MPPED2: variants seen among roughly 807,000 people sequenced by gnomAD.
The protein encoded by MPPED2 is metallophosphoesterase MPPED2.
In MPPED2, 5 loss-of-function variants were observed where a neutral mutation model predicts 33.0. The observed-to-expected ratio is 0.15, with a 90% CI of 0.08 to 0.32. The LOEUF (loss-of-function observed/expected upper bound fraction) is 0.32, where lower values mean the gene tolerates loss of function less well. MPPED2 is among the 10% of genes least tolerant of loss of function. The pLI is 1.00. For synonymous variants in MPPED2, 136 were observed against 141.9 expected (o/e 0.96, Z 0.29); for missense variants, 275 against 372.1 (o/e 0.74, Z 2.15).
intron 2 of MPPED2, among the ~76,000 whole-genome samples, chr11:30,559,581 G>C (rs553892785): frequency 1.3e-5 from 2 of 152,126 alleles, no homozygotes; most frequent in South Asian, 4.2e-4. Flanking sequence ...GTTTTTCCTA[G>C]ATACATTCTT....
At chr11:30,438,733 A>C in intron 4 of MPPED2, among the ~76,000 whole-genome samples, 1 of 152,236 alleles carries the variant, frequency 6.6e-6, no homozygotes, top group East Asian at 1.9e-4. Context: ...TTTGAGATCA[A>C]TGAAGATAAT....
chr11:30,538,431 T>C (rs1051787399), intron 2 of MPPED2, among the ~76,000 whole-genome samples: 4 of 152,186 alleles, frequency 2.6e-5, no homozygotes, highest in Admixed American at 1.3e-4. Context: ...ATCTACCCAC[T>C]TTAAAGTAGC....
In MPPED2 at chr11:30,450,391, G is replaced by A. The variant is rs1010970380; in HGVS notation, c.537-32758C>T. Among the ~76,000 whole-genome samples, 4 of 152,142 alleles carry A rather than the reference G, an allele frequency of 2.6e-5. No homozygotes were observed. In the East Asian group the frequency reaches 7.7e-4, roughly 29 times the overall value. On this transcript the variant is annotated intron_variant, in intron 4 of 6. Transcript: ENST00000358117. The stretch of plus-strand genomic sequence containing the variant: ...GTGTATAAGTTATTCCTTTATTTCA[G>A]GTGTGACACAGAGTAATTTGTATAT...
chr11:30,486,970 A>G (rs1448133187), intron 4 of MPPED2, among the ~76,000 whole-genome samples: 2 of 152,196 alleles, frequency 1.3e-5, no homozygotes, highest in African/African-American at 4.8e-5. Context: ...TTCACCAGCC[A>G]GAGACATATC....
chr11:30,403,403 G>A (rs534893863), intron 6 of MPPED2, among the ~76,000 whole-genome samples: 115 of 152,258 alleles, frequency 7.6e-4, no homozygotes, highest in African/African-American at 2.6e-3. Flanking sequence ...TACATTCACC[G>A]AAAATACTTT....
intron 5 of MPPED2, among the ~76,000 whole-genome samples, chr11:30,416,440 T>G (rs991877132): frequency 3.9e-5 from 6 of 152,226 alleles, no homozygotes; most frequent in Non-Finnish European, 7.3e-5. Flanking sequence ...AAATGAATGT[T>G]ATTTTTTTTT....
chr11:30,553,208 A>G (rs953235106), intron 2 of MPPED2, among the ~76,000 whole-genome samples: 5 of 152,148 alleles, frequency 3.3e-5, no homozygotes, highest in Non-Finnish European at 7.4e-5. Context: ...CTGCACCATA[A>G]AACACACTTT....
intron 3 of MPPED2, among the ~76,000 whole-genome samples, chr11:30,529,424 C>T (rs144986689): frequency 6.6e-6 from 1 of 152,224 alleles, no homozygotes; most frequent in East Asian, 1.9e-4. Context: ...ATTTTAACCA[C>T]ATTCAGTGAT....
chr11:30,514,083 G>A (rs2134326506), intron 3 of MPPED2, among the ~76,000 whole-genome samples: 1 of 152,258 alleles, frequency 6.6e-6, no homozygotes, highest in East Asian at 1.9e-4. Flanking sequence ...TTCCTCAATA[G>A]CACAGCCCCC....
At chr11:30,455,933 T>A (rs1590343203) in intron 4 of MPPED2, among the ~76,000 whole-genome samples, 1 of 152,258 alleles carries the variant, frequency 6.6e-6, no homozygotes, top group South Asian at 2.1e-4. Flanking sequence ...ACTCTGTTTC[T>A]CCACTCTAAC....
intron 3 of MPPED2, among the ~76,000 whole-genome samples, chr11:30,521,940 A>C (rs572901198): frequency 6.6e-6 from 1 of 152,312 alleles, no homozygotes; most frequent in African/African-American, 2.4e-5. Flanking sequence ...GGGCTGAATG[A>C]GATAAATGTG....
At chr11:30,541,218 T>G (rs1055671964) in intron 2 of MPPED2, among the ~76,000 whole-genome samples, 3 of 152,230 alleles carry the variant, frequency 2.0e-5, no homozygotes, top group Admixed American at 6.5e-5. Context: ...CACTGCATAT[T>G]CAAACAAATA....
At chr11:30,503,846 C>T (rs916763968) in intron 3 of MPPED2, among the ~76,000 whole-genome samples, 2 of 151,952 alleles carry the variant, frequency 1.3e-5, no homozygotes, top group African/African-American at 4.8e-5. Context: ...ACAGAGATGA[C>T]AGGACAGAAG....
chr11:30,492,440 T>C (rs1952025910), intron 4 of MPPED2, among the ~76,000 whole-genome samples: 1 of 152,088 alleles, frequency 6.6e-6, no homozygotes, highest in South Asian at 2.1e-4. Flanking sequence ...AAGGATTTTT[T>C]CAAAAGTAAT....
chr11:30,393,073 T>C (rs1947799764), intron 6 of MPPED2, among the ~76,000 whole-genome samples: 2 of 152,114 alleles, frequency 1.3e-5, no homozygotes. Context: ...AACCTTCAAT[T>C]TGTGCCCAAT....
At position 30,410,674 on chromosome 11, in the gene MPPED2, T is replaced by A; in HGVS notation, c.*794A>T. 1 of 985,148 alleles carries A rather than the reference T, an allele frequency of 1.0e-6. No homozygotes were observed. Among genetic ancestry groups the A allele is most frequent in the Non-Finnish European group, 1.2e-6 (1 of 829,272 alleles). 61.0% of individuals were successfully genotyped at this position (985,148 alleles called of 1,614,324 possible). A position where few individuals can be genotyped will look rare whatever the true frequency, so the allele number is the denominator to read the frequency against. On this transcript the variant is annotated 3_prime_UTR_variant, in exon 7 of 7. Coordinates refer to ENST00000358117, the MANE Select transcript of MPPED2 (RefSeq NM_001584.3). ...GCAGTTGTACTGTCCTTGACAATAATAAACTCCTAACGTAGTCATAATACA... is the reference window on the plus strand; with the variant it reads ...GCAGTTGTACTGTCCTTGACAATAAAAAACTCCTAACGTAGTCATAATACA...
chr11:30,483,424 A>G (rs1225066221), intron 4 of MPPED2, among the ~76,000 whole-genome samples: 1 of 152,204 alleles, frequency 6.6e-6, no homozygotes, highest in Non-Finnish European at 1.5e-5. Context: ...CCACAAATGA[A>G]CCCTATGAGT....
At chr11:30,422,273 C>T (rs966097343) in intron 4 of MPPED2, among the ~76,000 whole-genome samples, 1 of 152,198 alleles carries the variant, frequency 6.6e-6, no homozygotes, top group African/African-American at 2.4e-5. Context: ...ACTCACTCAG[C>T]TCCCTCCTCC....
Position 30,410,692 on chromosome 11 carries a change from A to G in MPPED2, c.*776T>C. 1.0e-6 allele frequency: 1 copy of G among 984,838 alleles called. No homozygotes were observed. Among genetic ancestry groups the G allele is most frequent in the Non-Finnish European group, 1.2e-6 (1 of 828,962 alleles). The allele number at this position is 984,838 out of a possible 1,614,324, so 61.0% of individuals were successfully genotyped here. ...ACAATAATAAACTCCTAACGTAGTC[A>G]TAATACACAAAAAATACTTATATAT... On this transcript the variant is annotated 3_prime_UTR_variant, in exon 7 of 7. Coordinates refer to ENST00000358117, the MANE Select transcript of MPPED2 (RefSeq NM_001584.3).
Sources: allele counts gnomAD v4.1 joint callset (sites outside exome capture counted in the v4.1 genomes callset), GRCh38; gene constraint gnomAD v4.1.1; transcripts MANE v1.5; gene names NCBI Gene and HGNC (gene_info 2026-07-23, HGNC 2026-07-21).